BMPER: variants seen among roughly 807,000 people sequenced by gnomAD.
BMPER encodes the protein BMP binding endothelial regulator, also known as BMP-binding endothelial regulator protein.
In BMPER, 45 loss-of-function variants were observed where a neutral mutation model predicts 87.3. The ratio of observed to expected loss-of-function variants is 0.52; its 90% CI spans 0.41 to 0.66. BMPER has a LOEUF of 0.66. Ranked by LOEUF, BMPER falls within the 30% of genes least tolerant of loss-of-function variation. The probability of loss-of-function intolerance (pLI) is 0.00; values close to 1 mark genes in which losing one functional copy is unlikely to be tolerated. For synonymous variants in BMPER, 326 were observed against 316.2 expected, an observed-to-expected ratio of 1.03 and a Z score of -0.33; for missense variants, 784 against 867.5, an observed-to-expected ratio of 0.90 and a Z score of 1.21.
At chr7:34,102,405 A>T (rs1789705207) in intron 13 of BMPER, among the ~76,000 whole-genome samples, 1 of 152,168 alleles carries the variant, frequency 6.6e-6, no homozygotes, top group South Asian at 2.1e-4. Flanking sequence ...TGCAGGCATC[A>T]CATTCATCAG....
chr7:33,908,842 A>T, intron 2 of BMPER, among the ~76,000 whole-genome samples: 1 of 152,236 alleles, frequency 6.6e-6, no homozygotes, highest in Non-Finnish European at 1.5e-5. Context: ...TATGGGGTCC[A>T]AGTTGTCACA....
chr7:34,041,769 G>A (rs1202628254), intron 6 of BMPER, among the ~76,000 whole-genome samples: 1 of 151,918 alleles, frequency 6.6e-6, no homozygotes, highest in Admixed American at 6.6e-5. Context: ...CATCTCAGAA[G>A]CAACTCTAGA....
chr7:33,988,280 T>C (rs2127923104), intron 6 of BMPER, among the ~76,000 whole-genome samples: 1 of 152,296 alleles, frequency 6.6e-6, no homozygotes, highest in South Asian at 2.1e-4. Flanking sequence ...AATGCATTTC[T>C]TTTCAGTGTC....
chr7:34,108,616 T>C (rs916316623), intron 13 of BMPER, among the ~76,000 whole-genome samples: 1 of 152,324 alleles, frequency 6.6e-6, no homozygotes, highest in South Asian at 2.1e-4. Flanking sequence ...CCCTGTAAAC[T>C]TTAGCATGGA....
intron 3 of BMPER, among the ~76,000 whole-genome samples, chr7:33,941,142 T>C (rs1341863874): frequency 1.4e-4 from 20 of 139,126 alleles, no homozygotes; most frequent in African/African-American, 4.8e-4. Context: ...TTATATGTAA[T>C]ATATTACATA....
At chr7:34,004,101 C>T (rs1786661971) in intron 6 of BMPER, among the ~76,000 whole-genome samples, 3 of 152,060 alleles carry the variant, frequency 2.0e-5, no homozygotes, top group African/African-American at 7.2e-5. Context: ...TTTTTCCTTT[C>T]TGTTCCTTGG....
intron 14 of BMPER, among the ~76,000 whole-genome samples, chr7:34,151,175 G>A (rs1316499331): frequency 6.6e-6 from 1 of 152,234 alleles, no homozygotes; most frequent in Non-Finnish European, 1.5e-5. Flanking sequence ...ACAGGGTAAA[G>A]AGGGGGTAGA....
At position 34,085,750 on chromosome 7, in the gene BMPER, C is replaced by G; in HGVS notation, c.1409-6C>G. The G allele has an allele frequency of 3.1e-6, 5 of 1,611,636 alleles. No individual in the cohort carries two copies. The highest frequency in any genetic ancestry group is 4.2e-6 in the Non-Finnish European group (5 of 1,177,920). On this transcript the variant is annotated splice_region_variant and splice_polypyrimidine_tract_variant and intron_variant, in intron 12 of 14. Coordinates refer to ENST00000649409, the MANE Select transcript of BMPER (RefSeq NM_001365308.1). Reference sequence around the variant, plus strand: ...TTGATTTCCTTTTCCTCTCCTCCTCCTCTAGGTTTGGAAATATCTTGGGAT... The same window carrying G: ...TTGATTTCCTTTTCCTCTCCTCCTCGTCTAGGTTTGGAAATATCTTGGGAT...
chr7:34,035,489 A>G (rs1311882644), intron 6 of BMPER, among the ~76,000 whole-genome samples: 2 of 152,234 alleles, frequency 1.3e-5, no homozygotes, highest in African/African-American at 2.4e-5. Flanking sequence ...GCTCAGGCAT[A>G]CTAAGGAAAA....
At chr7:34,063,379 A>ATGTGTG (rs10537332) in intron 11 of BMPER, among the ~76,000 whole-genome samples, 5 of 149,050 alleles carry the variant, frequency 3.4e-5, no homozygotes, top group Middle Eastern at 7.0e-3. Flanking sequence ...GGGTCACTAT[A>ATGTGTG]TGTGTGTGTG....
Position 33,942,266 on chromosome 7 carries a change from A to G in BMPER, c.319+4878A>G, listed in dbSNP as rs75221541. On this transcript the variant is annotated intron_variant, in intron 3 of 14. Coordinates refer to ENST00000649409, the MANE Select transcript of BMPER (RefSeq NM_001365308.1). ...AGATTCCTGGGGCTTGCCCTGTATA[A>G]TAGTAGTCAGCAAGATGATCATCCT... Among the ~76,000 whole-genome samples the G allele has an allele frequency of 4.2e-3, 637 of 152,286 alleles. 18 individuals are homozygous for G. The highest frequency in any genetic ancestry group is 7.9e-3 in the East Asian group (41 of 5,174).
intron 13 of BMPER, among the ~76,000 whole-genome samples, chr7:34,106,353 T>C (rs1789817453): frequency 6.6e-6 from 1 of 152,216 alleles, no homozygotes; most frequent in Non-Finnish European, 1.5e-5. Flanking sequence ...AGGTCATACG[T>C]TTGGATAACT....
intron 11 of BMPER, among the ~76,000 whole-genome samples, chr7:34,064,070 C>T (rs543376885): frequency 6.6e-6 from 1 of 152,340 alleles, no homozygotes; most frequent in Admixed American, 6.5e-5. Context: ...GAGGGCAGAT[C>T]ACTTGAGGGC....
At chr7:34,152,199 A>G (rs928092716) in intron 14 of BMPER, among the ~76,000 whole-genome samples, 1 of 152,196 alleles carries the variant, frequency 6.6e-6, no homozygotes, top group African/African-American at 2.4e-5. Context: ...ACTTTTGTTT[A>G]AAGGAACTTT....
intron 2 of BMPER, among the ~76,000 whole-genome samples, chr7:33,928,746 G>A (rs1250966494): frequency 6.6e-6 from 1 of 151,138 alleles, no homozygotes; most frequent in Non-Finnish European, 1.5e-5. Context: ...GGAATAGTTA[G>A]GTAACGTAAA....
intron 3 of BMPER, among the ~76,000 whole-genome samples, chr7:33,965,608 A>T (rs1362249724): frequency 6.6e-6 from 1 of 152,182 alleles, no homozygotes; most frequent in Non-Finnish European, 1.5e-5. Context: ...CAGACTATGT[A>T]TTGGTAAATC....
intron 3 of BMPER, among the ~76,000 whole-genome samples, chr7:33,940,545 C>T (rs972603668): frequency 6.6e-6 from 1 of 152,306 alleles, no homozygotes; most frequent in East Asian, 1.9e-4. Flanking sequence ...GTAAACCTCT[C>T]TGTAACTCTT....
chr7:34,123,261 C>T (rs899429654), intron 13 of BMPER, among the ~76,000 whole-genome samples: 8 of 152,190 alleles, frequency 5.3e-5, no homozygotes, highest in African/African-American at 1.9e-4. Flanking sequence ...CAGGAGTTTA[C>T]TGGCTATAAT....
intron 3 of BMPER, among the ~76,000 whole-genome samples, chr7:33,965,132 T>A (rs938877373): frequency 6.6e-6 from 1 of 152,236 alleles, no homozygotes; most frequent in Non-Finnish European, 1.5e-5. Flanking sequence ...TAGGGGTTCC[T>A]GTGGTTGAAC....
Sources: allele counts gnomAD v4.1 joint callset (sites outside exome capture counted in the v4.1 genomes callset), GRCh38; gene constraint gnomAD v4.1.1; transcripts MANE v1.5; gene names NCBI Gene and HGNC (gene_info 2026-07-23, HGNC 2026-07-21).